CYFIP1: variants seen among roughly 807,000 people sequenced by gnomAD.
The protein encoded by CYFIP1 is cytoplasmic FMR1 interacting protein 1, also known as cytoplasmic FMR1-interacting protein 1.
A neutral mutation model predicts 163.5 loss-of-function variants in CYFIP1; 58 were observed. The ratio of observed to expected loss-of-function variants is 0.35; its 90% CI spans 0.29 to 0.44. CYFIP1 has a LOEUF of 0.44. Among genes scored for constraint, CYFIP1 ranks in the 20% least tolerant of loss-of-function variants. The probability of loss-of-function intolerance (pLI) is 1.00; values close to 1 mark genes in which losing one functional copy is unlikely to be tolerated. For synonymous variants in CYFIP1, 663 were observed against 660.7 expected (o/e 1.00, Z -0.05); for missense variants, 1,338 against 1,653.8 (o/e 0.81, Z 3.31).
At chr15:22,938,341 T>C (rs1180518715) in intron 8 of CYFIP1, among the ~76,000 whole-genome samples, 1 of 152,054 alleles carries the variant, frequency 6.6e-6, no homozygotes, top group Non-Finnish European at 1.5e-5. Context: ...TGGTGGCTTA[T>C]GCCTGTAATC....
chr15:22,940,624 T>C (rs907316107), intron 6 of CYFIP1, among the ~76,000 whole-genome samples: 2 of 152,200 alleles, frequency 1.3e-5, no homozygotes, highest in Non-Finnish European at 2.9e-5. Context: ...TTCAGGACTT[T>C]TCAGGAGACA....
intron 1 of CYFIP1, among the ~76,000 whole-genome samples, chr15:22,970,873 G>A (rs1047365457): frequency 2.6e-5 from 4 of 151,740 alleles, no homozygotes; most frequent in Non-Finnish European, 5.9e-5. Flanking sequence ...TCAAGAGATC[G>A]AGACCATCCT....
rs1026725973 is a variant in CYFIP1, at chr15:22,892,990, G to T, written c.2589-13C>A. On this transcript the variant is annotated splice_polypyrimidine_tract_variant and intron_variant, in intron 22 of 30. Transcript: ENST00000617928. ...TGTCCGAACAAACCTAAACAAGAAA[G>T]ATTTAAAAAAGAAAAAGAAACCAAA... is the stretch of plus-strand genomic sequence containing the variant. The T allele has an allele frequency of 1.9e-6, 3 of 1,598,192 alleles. No individual in the cohort carries two copies. The highest frequency in any genetic ancestry group is 2.7e-5 in the African/African-American group (2 of 74,456).
intron 22 of CYFIP1, among the ~76,000 whole-genome samples, chr15:22,902,145 C>T (rs922734567): frequency 6.6e-6 from 1 of 152,226 alleles, no homozygotes; most frequent in Non-Finnish European, 1.5e-5. Context: ...ATGGAACCAG[C>T]CTGCCTGTGT....
At chr15:22,889,012 TCCA>T (rs1225781879) in intron 23 of CYFIP1, among the ~76,000 whole-genome samples, 6 of 149,310 alleles carry the variant, frequency 4.0e-5, no homozygotes, top group Non-Finnish European at 5.9e-5. Flanking sequence ...ACCACTGTAC[TCCA>T]GCCTAGGGGA....
chr15:22,951,363 G>C (rs1176483628), intron 1 of CYFIP1: 1 of 1,228,346 alleles, frequency 8.1e-7, no homozygotes, highest in Non-Finnish European at 1.0e-6. Flanking sequence ...TCAGAAAGGA[G>C]CAGTGCAGGG....
At chr15:22,909,335 G>T in intron 20 of CYFIP1, 22 bp from the exon 21 acceptor site, 1 of 1,613,286 alleles carries the variant, frequency 6.2e-7, no homozygotes, top group East Asian at 2.2e-5. Flanking sequence ...AGGGAAGGAT[G>T]GCAGGTAAAG....
chr15:22,972,461 C>A (rs1384428366), intron 1 of CYFIP1, among the ~76,000 whole-genome samples: 9 of 151,962 alleles, frequency 5.9e-5, no homozygotes, highest in Non-Finnish European at 8.8e-5. Context: ...ACAAAAAAAA[C>A]TACAGAGATA....
intron 25 of CYFIP1, among the ~76,000 whole-genome samples, chr15:22,881,639 CTCT>C (rs2059766767): frequency 6.6e-6 from 1 of 152,142 alleles, no homozygotes; most frequent in African/African-American, 2.4e-5. Flanking sequence ...GTTCAGGGGT[CTCT>C]TGTCTCAACT....
chr15:22,916,115 C>T (rs979648356), intron 16 of CYFIP1, among the ~76,000 whole-genome samples: 10 of 152,188 alleles, frequency 6.6e-5, no homozygotes, highest in African/African-American at 2.4e-4. Context: ...ACAGGGCACC[C>T]GCCACCTTCC....
At chr15:22,896,531 T>C (rs984101598) in intron 22 of CYFIP1, among the ~76,000 whole-genome samples, 7 of 152,254 alleles carry the variant, frequency 4.6e-5, no homozygotes, top group Non-Finnish European at 7.4e-5. Flanking sequence ...TTTTTTCTTT[T>C]GGTGCTTCAG....
intron 20 of CYFIP1, 101 bp downstream of exon 20, chr15:22,910,419 C>A (rs1309948327): frequency 1.1e-6 from 1 of 935,568 alleles, no homozygotes; most frequent in African/African-American, 1.6e-5. Context: ...ACCTTGGCCT[C>A]CCAGTGTTGG....
At position 22,874,570 on chromosome 15, in the gene CYFIP1, C is replaced by T. The variant is rs767015874; in HGVS notation, c.3190G>A (p.Glu1064Lys). Residue 1064 changes from glutamate (E) to lysine (K), a missense_variant, in exon 28 of 31, where the codon GAA becomes AAA. Glu to Lys is a moderately conservative substitution (Grantham distance 56). This residue lies in a region of CYFIP1 where 306 missense variants were observed against 322.1 expected (regional missense o/e 0.95). Coordinates refer to ENST00000617928, the MANE Select transcript of CYFIP1 (RefSeq NM_014608.6). The stretch of plus-strand genomic sequence containing the variant: ...GTTACCTGAGGGGTCCCCAGTCTTT[C>T]AATCAGTGGGACAAGATGCAGCGGG... ...YAPLHLVPLI[E>K]RLGTPQQIAI... 6.2e-7 allele frequency: 1 copy of T among 1,605,558 alleles called. No individual in the cohort carries two copies. Among genetic ancestry groups the T allele is most frequent in the Admixed American group, 1.7e-5 (1 of 57,900 alleles).
At chr15:22,923,112 T>C (rs1288449599) in intron 13 of CYFIP1, among the ~76,000 whole-genome samples, 1 of 151,862 alleles carries the variant, frequency 6.6e-6, no homozygotes, top group African/African-American at 2.4e-5. Context: ...GAAAAACAGA[T>C]AAATCAAACA....
intron 22 of CYFIP1, among the ~76,000 whole-genome samples, chr15:22,900,500 G>A (rs1026987697): frequency 6.5e-4 from 98 of 150,886 alleles, no homozygotes; most frequent in African/African-American, 2.3e-3. Flanking sequence ...CCGGGTTCAC[G>A]CCATTCTCCT....
At chr15:22,880,232 C>CGAGA (rs2059715359) in intron 25 of CYFIP1, among the ~76,000 whole-genome samples, 189 bp from the exon 26 acceptor site, 1 of 152,214 alleles carries the variant, frequency 6.6e-6, no homozygotes. Context: ...GCACGTTCTC[C>CGAGA]ACACACCATG....
intron 1 of CYFIP1, among the ~76,000 whole-genome samples, chr15:22,956,730 C>A (rs1396339251): frequency 6.6e-6 from 1 of 152,182 alleles, no homozygotes; most frequent in African/African-American, 2.4e-5. Context: ...ACTGCCGCCC[C>A]GAGACAGCAG....
At chr15:22,944,798 G>C in intron 4 of CYFIP1, 64 bp downstream of exon 4, 1 of 1,557,032 alleles carries the variant, frequency 6.4e-7, no homozygotes, top group Non-Finnish European at 8.9e-7. Context: ...CAGGGGCAGG[G>C]GTGTGGTGTG....
At chr15:22,930,991 T>C (rs906073007) in intron 11 of CYFIP1, among the ~76,000 whole-genome samples, 5 of 152,198 alleles carry the variant, frequency 3.3e-5, no homozygotes, top group African/African-American at 1.2e-4. Flanking sequence ...TTGTCTGACA[T>C]GCCCAAACGC....
Sources: gnomAD v4.1 joint callset for allele counts (sites outside exome capture counted in the v4.1 genomes callset) on GRCh38, gnomAD v4.1.1 for gene constraint, gnomAD v4.1.1 regional missense constraint, MANE v1.5 for transcripts, NCBI Gene and HGNC (gene_info 2026-07-23, HGNC 2026-07-21) for gene names.